Variants in MGAT4C observed in about 807,000 individuals in gnomAD.
MGAT4C encodes MGAT4 family member C.
A neutral mutation model predicts 40.1 loss-of-function variants in MGAT4C; 19 were observed. The ratio of observed to expected loss-of-function variants is 0.47; its 90% confidence interval spans 0.33 to 0.70. The LOEUF is 0.70. MGAT4C is among the 30% of genes least tolerant of loss of function. MGAT4C has a pLI of 0.02. For synonymous variants in MGAT4C, 181 were observed against 187.1 expected, an observed-to-expected ratio of 0.97 and a Z score of 0.27; for missense variants, 491 against 563.2, an observed-to-expected ratio of 0.87 and a Z score of 1.30.
intron 1 of MGAT4C, among the ~76,000 whole-genome samples, chr12:86,763,794 TA>T (rs1417628770): frequency 6.6e-6 from 1 of 152,098 alleles, no homozygotes; most frequent in Non-Finnish European, 1.5e-5. Context: ...AATTGGTAGT[TA>T]AAATTACACT....
intron 2 of MGAT4C, among the ~76,000 whole-genome samples, chr12:86,593,443 A>C (rs1961411976): frequency 6.6e-6 from 1 of 151,866 alleles, no homozygotes. Flanking sequence ...CTTTTTTTCC[A>C]ATGCCAAGGG....
At chr12:86,837,009 T>C (rs531394128) in intron 1 of MGAT4C, among the ~76,000 whole-genome samples, 1 of 152,258 alleles carries the variant, frequency 6.6e-6, no homozygotes, top group South Asian at 2.1e-4. Context: ...CTGAAAGTCA[T>C]AAGCCATCGA....
At chr12:86,747,533 A>G (rs1031691712) in intron 1 of MGAT4C, among the ~76,000 whole-genome samples, 1 of 151,686 alleles carries the variant, frequency 6.6e-6, no homozygotes, top group African/African-American at 2.4e-5. Flanking sequence ...TGGATGAAAC[A>G]TAGCTAAATT....
chr12:86,146,833 C>CT (rs10709270), intron 1 of MGAT4C, among the ~76,000 whole-genome samples: 11,663 of 150,354 alleles, frequency 0.078, 616 homozygotes, highest in Middle Eastern at 0.21. Flanking sequence ...TAATTCTCTC[C>CT]TTTTTTTTTT....
intron 1 of MGAT4C, among the ~76,000 whole-genome samples, chr12:86,130,832 A>G (rs964816339): frequency 6.6e-6 from 1 of 152,016 alleles, no homozygotes; most frequent in African/African-American, 2.4e-5. Flanking sequence ...CTAAAACCAT[A>G]TTGTATTTAG....
intron 2 of MGAT4C, among the ~76,000 whole-genome samples, chr12:86,444,959 A>T (rs950353620): frequency 2.6e-5 from 4 of 152,222 alleles, no homozygotes; most frequent in Admixed American, 6.5e-5. Flanking sequence ...TTTATATAAG[A>T]TTCTAAAAAT....
At chr12:86,796,431 G>C (rs1952120852) in intron 1 of MGAT4C, among the ~76,000 whole-genome samples, 1 of 152,036 alleles carries the variant, frequency 6.6e-6, no homozygotes, top group Middle Eastern at 3.4e-3. Context: ...GATGAACCTG[G>C]AGGACATTAT....
chr12:86,144,339 CT>C, intron 1 of MGAT4C, among the ~76,000 whole-genome samples: 1 of 152,248 alleles, frequency 6.6e-6, no homozygotes, highest in East Asian at 1.9e-4. Context: ...AGTGAAAACG[CT>C]GATAGATTCT....
intron 4 of MGAT4C, among the ~76,000 whole-genome samples, chr12:86,314,370 C>A (rs1482571077): frequency 2.6e-5 from 4 of 152,142 alleles, no homozygotes; most frequent in Non-Finnish European, 5.9e-5. Flanking sequence ...TCCTAGCCAA[C>A]ATGGTGAACT....
At chr12:86,303,349 C>T (rs1953859383) in intron 4 of MGAT4C, among the ~76,000 whole-genome samples, 1 of 150,522 alleles carries the variant, frequency 6.6e-6, no homozygotes, top group East Asian at 1.9e-4. Context: ...AACAGCATTA[C>T]TTGGATATAT....
chr12:86,184,636 T>TTC (rs1555241672), intron 1 of MGAT4C, among the ~76,000 whole-genome samples: 12 of 148,074 alleles, frequency 8.1e-5, no homozygotes, highest in Admixed American at 3.4e-4. Context: ...TCTTTTTTTT[T>TTC]CTCTTCCTTC....
intron 3 of MGAT4C, among the ~76,000 whole-genome samples, chr12:86,397,843 G>A (rs1956288140): frequency 6.6e-6 from 1 of 152,116 alleles, no homozygotes; most frequent in Non-Finnish European, 1.5e-5. Context: ...CGTGCCCGTA[G>A]TCCCAGCTAT....
intron 2 of MGAT4C, among the ~76,000 whole-genome samples, chr12:86,020,277 A>G (rs1889558587): frequency 1.3e-5 from 2 of 152,262 alleles, no homozygotes; most frequent in South Asian, 4.1e-4. Context: ...GCCAGTTTTC[A>G]AAGAGAATGC....
chr12:86,125,436 T>C (rs73387107), intron 1 of MGAT4C, among the ~76,000 whole-genome samples: 6,482 of 152,238 alleles, frequency 0.043, 476 homozygotes, highest in African/African-American at 0.15. Context: ...TCTGAACTGA[T>C]GTGGTTCAGC....
intron 1 of MGAT4C, among the ~76,000 whole-genome samples, chr12:86,104,631 C>G (rs770369498): frequency 1.1e-4 from 16 of 152,120 alleles, no homozygotes; most frequent in Non-Finnish European, 1.5e-4. Flanking sequence ...TCACAATACT[C>G]TCAATATTAG....
intron 1 of MGAT4C, among the ~76,000 whole-genome samples, chr12:86,809,553 A>ATT (rs35012604): frequency 1.3e-5 from 2 of 151,596 alleles, no homozygotes; most frequent in Non-Finnish European, 2.9e-5. Context: ...TTGGTATCCT[A>ATT]TTTTTTAAAA....
intron 2 of MGAT4C, among the ~76,000 whole-genome samples, chr12:86,700,567 AG>A (rs1354498859): frequency 6.6e-6 from 1 of 152,134 alleles, no homozygotes; most frequent in African/African-American, 2.4e-5. Flanking sequence ...ATTATTTTTC[AG>A]TAAGGTCAAG....
intron 2 of MGAT4C, among the ~76,000 whole-genome samples, chr12:86,685,075 A>C (rs529345261): frequency 6.6e-6 from 1 of 152,010 alleles, no homozygotes; most frequent in Non-Finnish European, 1.5e-5. Context: ...TTTTGTTGCA[A>C]TTGCTTTTGG....
chr12:86,046,900 C>G (rs1235032505), intron 2 of MGAT4C, among the ~76,000 whole-genome samples: 2 of 152,192 alleles, frequency 1.3e-5, no homozygotes, highest in East Asian at 3.9e-4. Flanking sequence ...AGCGAAAATA[C>G]AAAGCACTGC....
Sources: allele counts gnomAD v4.1 joint callset (sites outside exome capture counted in the v4.1 genomes callset), GRCh38; gene constraint gnomAD v4.1.1; transcripts MANE v1.5; gene names NCBI Gene and HGNC (gene_info 2026-07-23, HGNC 2026-07-21).